Variants in CDC42SE2 observed in about 807,000 individuals in gnomAD.
CDC42SE2 encodes CDC42 small effector protein 2.
Under a neutral mutation model 11.5 loss-of-function variants are expected in CDC42SE2, and 3 were observed. The ratio of observed to expected loss-of-function variants is 0.26; its 90% CI spans 0.12 to 0.67. The LOEUF (loss-of-function observed/expected upper bound fraction) is 0.67, where lower values mean the gene tolerates loss of function less well. CDC42SE2 is among the 30% of genes least tolerant of loss of function. CDC42SE2 has a pLI of 0.80. For synonymous variants in CDC42SE2, 33 were observed against 34.8 expected, an observed-to-expected ratio of 0.95 and a Z score of 0.18; for missense variants, 82 against 106.8, an observed-to-expected ratio of 0.77 and a Z score of 1.02.
At chr5:131,315,429 G>A (rs1758021290) in intron 1 of CDC42SE2, among the ~76,000 whole-genome samples, 1 of 152,180 alleles carries the variant, frequency 6.6e-6, no homozygotes, top group Admixed American at 6.5e-5. Flanking sequence ...AGCAGAGTTT[G>A]CAAGCTCAGA....
chr5:131,323,907 C>G (rs556429756), intron 2 of CDC42SE2, among the ~76,000 whole-genome samples: 1 of 151,962 alleles, frequency 6.6e-6, no homozygotes, highest in South Asian at 2.1e-4. Flanking sequence ...GAATTTTATC[C>G]AGAGACAAAA....
chr5:131,295,257 T>C (rs1184374435), intron 1 of CDC42SE2, among the ~76,000 whole-genome samples: 1 of 150,068 alleles, frequency 6.7e-6, no homozygotes, highest in African/African-American at 2.5e-5. Context: ...CACTCCAGCC[T>C]GGGTGACAGA....
chr5:131,361,736 A>T (rs1749715633), intron 3 of CDC42SE2, among the ~76,000 whole-genome samples: 1 of 152,056 alleles, frequency 6.6e-6, no homozygotes, highest in Non-Finnish European at 1.5e-5. Context: ...TCGATGAGGG[A>T]GCCAGAATGG....
At chr5:131,248,488 TTC>T (rs1033814299) in intron 1 of CDC42SE2, among the ~76,000 whole-genome samples, 42 of 152,282 alleles carry the variant, frequency 2.8e-4, no homozygotes, top group African/African-American at 1.0e-3. Flanking sequence ...CTGTCATTTT[TTC>T]TGTTTAATCT....
intron 2 of CDC42SE2, among the ~76,000 whole-genome samples, chr5:131,346,522 A>G (rs944502043): frequency 5.3e-5 from 8 of 152,242 alleles, no homozygotes; most frequent in African/African-American, 1.2e-4. Flanking sequence ...AGAGACCTAC[A>G]AAGAGACTTA....
At chr5:131,228,202 G>C in the CDC42SE2 span, among the ~76,000 whole-genome samples, 16 of 151,502 alleles carry the variant, frequency 1.1e-4, no homozygotes, top group African/African-American at 3.9e-4. Context: ...GCAAGACCCT[G>C]TTTAAAAAAA....
chr5:131,274,177 A>G (rs1442777742), intron 1 of CDC42SE2, among the ~76,000 whole-genome samples: 2 of 152,152 alleles, frequency 1.3e-5, no homozygotes, highest in Admixed American at 6.6e-5. Flanking sequence ...GTAGATTTCT[A>G]ATAGGCATCC....
At chr5:131,335,552 A>G (rs1758536081) in intron 2 of CDC42SE2, among the ~76,000 whole-genome samples, 1 of 152,130 alleles carries the variant, frequency 6.6e-6, no homozygotes, top group Admixed American at 6.6e-5. Flanking sequence ...GATCTGTCTA[A>G]TGTTGACAGT....
chr5:131,292,919 A>C (rs908700014), intron 1 of CDC42SE2, among the ~76,000 whole-genome samples: 2 of 149,296 alleles, frequency 1.3e-5, no homozygotes, highest in Admixed American at 1.3e-4. Context: ...AAAAAAAAAA[A>C]AAAAAAAAAA....
intron 2 of CDC42SE2, among the ~76,000 whole-genome samples, chr5:131,354,444 C>A (rs1339987491): frequency 1.3e-5 from 2 of 152,046 alleles, no homozygotes; most frequent in African/African-American, 4.8e-5. Flanking sequence ...TTATAAGTTT[C>A]CTTGCTTTAA....
In CDC42SE2 at chr5:131,368,252, CAAAAAAAAAA is replaced by C. The variant is rs543328653; in HGVS notation, c.54+8717_54+8726del. On this transcript the variant is annotated intron_variant, in intron 3 of 4. Transcript: ENST00000505065. Reference sequence around the variant, plus strand: ...TGGGCAATAGAGTGAGACTCCATCTCAAAAAAAAAAAAAAAAAAAAAGAAGTCTTTCCCCT... The same window carrying C: ...TGGGCAATAGAGTGAGACTCCATCTCAAAAAAAAAAAGAAGTCTTTCCCCT... Among the ~76,000 whole-genome samples the C allele has an allele frequency of 6.1e-5, 4 of 65,432 alleles. No homozygotes were observed. In the East Asian group the frequency reaches 2.1e-3, roughly 35 times the overall value. 42.9% of individuals were successfully genotyped at this position (65,432 alleles called of 152,430 possible).
At chr5:131,296,516 G>A (rs1029410428) in intron 1 of CDC42SE2, among the ~76,000 whole-genome samples, 1 of 152,118 alleles carries the variant, frequency 6.6e-6, no homozygotes, top group African/African-American at 2.4e-5. Context: ...GCTGGCAGTC[G>A]TTGGCTTGCA....
Position 131,392,080 on chromosome 5 carries a change from A to ATGTT in CDC42SE2, c.*991_*994dup, listed in dbSNP as rs1478954595. 2 of 152,602 alleles carry ATGTT rather than the reference A, an allele frequency of 1.3e-5. No homozygotes were observed. Among genetic ancestry groups the ATGTT allele is most frequent in the Admixed American group, 1.3e-4 (2 of 15,272 alleles). The allele number at this position is 152,602 out of a possible 1,614,324, so 9.5% of individuals were successfully genotyped here. On this transcript the variant is annotated 3_prime_UTR_variant, in exon 5 of 5. Transcript: ENST00000505065. ...TCTTTGGATTGTCACTGAATTTTCAATGTTTAATCAGTATGGATCTGATCT... is the reference window on the plus strand; with the variant it reads ...TCTTTGGATTGTCACTGAATTTTCAATGTTTGTTTAATCAGTATGGATCTGATCT...
At chr5:131,334,757 G>A (rs1268363133) in intron 2 of CDC42SE2, among the ~76,000 whole-genome samples, 3 of 152,172 alleles carry the variant, frequency 2.0e-5, no homozygotes, top group Admixed American at 6.5e-5. Context: ...TTGCGTAGAG[G>A]TGTTTATAGT....
intron 2 of CDC42SE2, among the ~76,000 whole-genome samples, chr5:131,326,977 TTAAG>T (rs1758313548): frequency 6.6e-6 from 1 of 152,182 alleles, no homozygotes; most frequent in South Asian, 2.1e-4. Context: ...TTATCCTTTC[TTAAG>T]TATTACTCAT....
intron 3 of CDC42SE2, among the ~76,000 whole-genome samples, chr5:131,374,301 T>A (rs1375365338): frequency 6.6e-6 from 1 of 151,922 alleles, no homozygotes; most frequent in African/African-American, 2.4e-5. Context: ...GCAAACAACT[T>A]TGGGAGGCCA....
Position 131,391,183 on chromosome 5 carries a change from A to G in CDC42SE2, c.*92A>G, listed in dbSNP as rs1750641298. ...CCAATAATAGTAAATATATGTATATATATATAATTTTTTAATGGTGAACTT... is the reference window on the plus strand; with the variant it reads ...CCAATAATAGTAAATATATGTATATGTATATAATTTTTTAATGGTGAACTT... On this transcript the variant is annotated 3_prime_UTR_variant, in exon 5 of 5. Transcript: ENST00000505065. The G allele has an allele frequency of 2.0e-6, 1 of 499,996 alleles. No homozygotes were observed. The highest frequency in any genetic ancestry group is 3.1e-6 in the Non-Finnish European group (1 of 321,674). The allele number at this position is 499,996 out of a possible 1,614,324, so 31.0% of individuals were successfully genotyped here. A position where few individuals can be genotyped will look rare whatever the true frequency, so the allele number is the denominator to read the frequency against.
At chr5:131,272,285 T>C (rs1397152462) in intron 1 of CDC42SE2, among the ~76,000 whole-genome samples, 2 of 152,068 alleles carry the variant, frequency 1.3e-5, no homozygotes, top group African/African-American at 4.8e-5. Flanking sequence ...CCTCCCAAAA[T>C]ACTGAGATTA....
chr5:131,265,347 AC>A (rs1172847810), intron 1 of CDC42SE2, among the ~76,000 whole-genome samples: 1 of 152,086 alleles, frequency 6.6e-6, no homozygotes, highest in Admixed American at 6.6e-5. Context: ...GTATTTTGAA[AC>A]CCAGCTTTCT....
Sources: gnomAD v4.1 joint callset for allele counts (sites outside exome capture counted in the v4.1 genomes callset) on GRCh38, gnomAD v4.1.1 for gene constraint, MANE v1.5 for transcripts, NCBI Gene and HGNC (gene_info 2026-07-23, HGNC 2026-07-21) for gene names.